Variants in LONP2 observed in about 807,000 individuals in gnomAD.
LONP2 encodes the protein lon peptidase 2, peroxisomal, also known as lon protease homolog 2, peroxisomal.
A neutral mutation model predicts 85.6 loss-of-function variants in LONP2; 60 were observed. The observed-to-expected ratio is 0.70, with a 90% CI of 0.57 to 0.87. The LOEUF is 0.87. Ranked by LOEUF, LONP2 falls within the 40% of genes least tolerant of loss-of-function variation. The probability of loss-of-function intolerance (pLI) is 0.00; values close to 1 mark genes in which losing one functional copy is unlikely to be tolerated. For missense variants in LONP2, 860 were observed against 1,063.5 expected, an observed-to-expected ratio of 0.81 and a Z score of 2.66; for synonymous variants, 395 against 389.7, an observed-to-expected ratio of 1.01 and a Z score of -0.16.
intron 11 of LONP2, among the ~76,000 whole-genome samples, chr16:48,311,909 A>G (rs1266561744): frequency 6.6e-6 from 1 of 150,702 alleles, no homozygotes; most frequent in Non-Finnish European, 1.5e-5. Context: ...GATTGCAGGC[A>G]TGAGTCACTG....
intron 1 of LONP2, among the ~76,000 whole-genome samples, chr16:48,249,432 G>T (rs1971566115): frequency 6.6e-6 from 1 of 152,160 alleles, no homozygotes; most frequent in Non-Finnish European, 1.5e-5. Flanking sequence ...AATATTAGTT[G>T]AGTATTTTGT....
intron 8 of LONP2, among the ~76,000 whole-genome samples, chr16:48,281,402 T>C (rs976395452): frequency 6.6e-6 from 1 of 152,138 alleles, no homozygotes; most frequent in Non-Finnish European, 1.5e-5. Flanking sequence ...ACTATAAAAA[T>C]AGGTCCAACT....
intron 11 of LONP2, among the ~76,000 whole-genome samples, chr16:48,333,269 C>A (rs1959523292): frequency 6.6e-6 from 1 of 152,132 alleles, no homozygotes; most frequent in Admixed American, 6.5e-5. Context: ...TGTCTAGGTC[C>A]AAACCAAAAT....
intron 11 of LONP2, among the ~76,000 whole-genome samples, chr16:48,306,646 T>C (rs1440071874): frequency 1.3e-5 from 2 of 152,188 alleles, no homozygotes; most frequent in South Asian, 4.1e-4. Context: ...TGAGATACCC[T>C]TGAGTAAATA....
downstream of LONP2, chr16:48,361,567 T>G (rs1224163561): frequency 4.4e-6 from 7 of 1,609,072 alleles, no homozygotes; most frequent in African/African-American, 9.3e-5. Context: ...CCAGAAAATG[T>G]TTGATTGCCA....
intron 12 of LONP2, among the ~76,000 whole-genome samples, chr16:48,339,576 G>A (rs1959756403): frequency 6.6e-6 from 1 of 152,198 alleles, no homozygotes; most frequent in Admixed American, 6.5e-5. Context: ...AATAGTAGCT[G>A]CTGCTGAGAG....
chr16:48,331,311 G>A (rs899944088), intron 11 of LONP2, among the ~76,000 whole-genome samples: 1 of 152,066 alleles, frequency 6.6e-6, no homozygotes, highest in Non-Finnish European at 1.5e-5. Flanking sequence ...GGAATATACC[G>A]GAAAAAGAGC....
intron 3 of LONP2, 141 bp from the exon 4 acceptor site, chr16:48,258,477 G>T: frequency 1.7e-6 from 1 of 603,504 alleles, no homozygotes. Flanking sequence ...TAGTTCATTT[G>T]GTTGTCTTAG....
At chr16:48,277,156 G>T (rs1267763784) in intron 7 of LONP2, among the ~76,000 whole-genome samples, 182 bp from the exon 8 acceptor site, 2 of 152,178 alleles carry the variant, frequency 1.3e-5, no homozygotes, top group African/African-American at 4.8e-5. Context: ...TAGAAGATAA[G>T]ATTAGAATTG....
chr16:48,251,105 A>T (rs1240738399), intron 1 of LONP2, among the ~76,000 whole-genome samples: 2 of 152,222 alleles, frequency 1.3e-5, no homozygotes, highest in African/African-American at 4.8e-5. Context: ...AGTAATCAAG[A>T]ATTCACTGTG....
intron 8 of LONP2, among the ~76,000 whole-genome samples, chr16:48,295,701 G>T (rs988991565): frequency 1.3e-5 from 2 of 152,160 alleles, no homozygotes; most frequent in African/African-American, 4.8e-5. Context: ...GGTTCTGCAG[G>T]ACTGGTAACT....
rs776975218 is a variant in LONP2, at chr16:48,348,146, C to T, written c.2193C>T (p.His731=). ...DLLDNTDIHL[H]FPAGAVTKDG... ...TTGACAACACAGACATCCATCTGCA[C>T]TTCCCAGCTGGAGCTGTCACAAAAG... The change falls in exon 14 of 15, where the codon CAC becomes CAT. Residue 731 remains histidine, a synonymous_variant. Transcript: ENST00000285737. The T allele has an allele frequency of 2.5e-6, 4 of 1,611,790 alleles. No homozygotes were observed. In the South Asian group the frequency reaches 4.4e-5, roughly 18 times the overall value.
intron 3 of LONP2, among the ~76,000 whole-genome samples, chr16:48,257,043 TGCTCAC>T (rs1450884603): frequency 1.3e-5 from 2 of 152,098 alleles, no homozygotes; most frequent in African/African-American, 4.8e-5. Context: ...TTTGACTGGG[TGCTCAC>T]GCCTGTAGTC....
chr16:48,328,272 G>A (rs375252246), intron 11 of LONP2, among the ~76,000 whole-genome samples: 1 of 151,776 alleles, frequency 6.6e-6, no homozygotes, highest in Non-Finnish European at 1.5e-5. Flanking sequence ...TGGGCCGGGC[G>A]CGGTGGTTCA....
intron 5 of LONP2, among the ~76,000 whole-genome samples, chr16:48,262,390 C>T (rs186478718): frequency 2.6e-5 from 4 of 152,302 alleles, no homozygotes; most frequent in Non-Finnish European, 1.5e-5. Flanking sequence ...GGGACACACA[C>T]TAGTAAGGCC....
chr16:48,260,770 A>C (rs962144704), intron 4 of LONP2, among the ~76,000 whole-genome samples: 1 of 152,254 alleles, frequency 6.6e-6, no homozygotes, highest in African/African-American at 2.4e-5. Flanking sequence ...TATGTTTTTT[A>C]GATTTGAAAG....
rs779388049 is a variant in LONP2 at position 48,256,780 on chromosome 16, C to A, written c.600+39C>A. 3 of 1,602,438 alleles carry A rather than the reference C, an allele frequency of 1.9e-6. No individual in the cohort carries two copies. In the South Asian group the frequency reaches 3.3e-5, roughly 18 times the overall value. ...TTTTGAACGCCAGGTTGCTTTGTCA[C>A]TTTTTATTGAGATCTAGATAGTGAG... On this transcript the variant is annotated intron_variant, in intron 3 of 14. Transcript: ENST00000285737.
intron 3 of LONP2, 143 bp downstream of exon 3, chr16:48,256,884 C>G: frequency 1.4e-6 from 1 of 713,196 alleles, no homozygotes; most frequent in Non-Finnish European, 2.2e-6. Flanking sequence ...AACTGACTTT[C>G]AAATGTGATT....
chr16:48,329,364 T>G (rs1354580471), intron 11 of LONP2, among the ~76,000 whole-genome samples: 2 of 152,216 alleles, frequency 1.3e-5, no homozygotes. Flanking sequence ...ATATCCATGC[T>G]GTATGACTCC....
Sources: gnomAD v4.1 joint callset for allele counts (sites outside exome capture counted in the v4.1 genomes callset) on GRCh38, gnomAD v4.1.1 for gene constraint, MANE v1.5 for transcripts, NCBI Gene and HGNC (gene_info 2026-07-23, HGNC 2026-07-21) for gene names.